DNAH11: variants seen among roughly 807,000 people sequenced by gnomAD.
The protein encoded by DNAH11 is axonemal beta dynein heavy chain 11.
In DNAH11, 442 loss-of-function variants were observed where a neutral mutation model predicts 526.0. The observed-to-expected ratio is 0.84, with a 90% CI of 0.78 to 0.91. The LOEUF (loss-of-function observed/expected upper bound fraction) is 0.91, where lower values mean the gene tolerates loss of function less well. Among genes scored for constraint, DNAH11 ranks in the 40% least tolerant of loss-of-function variants. The probability of loss-of-function intolerance (pLI) is 0.00; values close to 1 mark genes in which losing one functional copy is unlikely to be tolerated. For missense variants in DNAH11, 6,989 were observed against 5,448.7 expected, an observed-to-expected ratio of 1.28 and a Z score of -8.90; for synonymous variants, 2,461 against 1,935.9, an observed-to-expected ratio of 1.27 and a Z score of -7.12.
In DNAH11 at chr7:21,717,891, C is replaced by T; in HGVS notation, c.7100C>T (p.Thr2367Ile). The change falls in exon 43 of 82, where the codon ACC (threonine) becomes ATC (isoleucine). Residue 2367 changes from threonine to isoleucine, a missense_variant. Coordinates refer to ENST00000409508, the MANE Select transcript of DNAH11 (RefSeq NM_001277115.2). Reference protein sequence around the residue: ...CLDKLRTSFKTITSIPESSLV... With the variant: ...CLDKLRTSFKIITSIPESSLV... Reference sequence around the variant, plus strand: ...GATAAACTGAGAACAAGCTTTAAAACCATCACTTCAATTCCTGAGAGTAGC... The same window carrying T: ...GATAAACTGAGAACAAGCTTTAAAATCATCACTTCAATTCCTGAGAGTAGC... 6.2e-7 allele frequency: 1 copy of T among 1,613,696 alleles called. No homozygotes were observed. Among genetic ancestry groups the T allele is most frequent in the Non-Finnish European group, 8.5e-7 (1 of 1,179,724 alleles).
At chr7:21,687,623 C>A in intron 34 of DNAH11, 96 bp downstream of exon 34, 1 of 1,381,896 alleles carries the variant, frequency 7.2e-7, no homozygotes, top group Non-Finnish European at 9.8e-7. Context: ...CTCTCCCTGT[C>A]TCATGAAATA....
intron 58 of DNAH11, among the ~76,000 whole-genome samples, 173 bp from the exon 59 acceptor site, chr7:21,786,451 G>A (rs1788196469): frequency 6.6e-6 from 1 of 152,126 alleles, no homozygotes; most frequent in African/African-American, 2.4e-5. Flanking sequence ...AGCAAGAACT[G>A]AACCTCCTGG....
chr7:21,547,090 A>C (rs1782830352), intron 2 of DNAH11, among the ~76,000 whole-genome samples: 1 of 152,244 alleles, frequency 6.6e-6, no homozygotes, highest in Admixed American at 6.5e-5. Flanking sequence ...AAATAAGACA[A>C]AACCTCAAAT....
intron 61 of DNAH11, among the ~76,000 whole-genome samples, chr7:21,789,868 TTTTC>T (rs368386245): frequency 2.5e-3 from 256 of 100,624 alleles, no homozygotes; most frequent in South Asian, 7.5e-3. Flanking sequence ...CCTTCCTTCC[TTTTC>T]TTTCTTTCTT....
At chr7:21,577,221 AC>A (rs1784130784) in intron 8 of DNAH11, among the ~76,000 whole-genome samples, 1 of 152,232 alleles carries the variant, frequency 6.6e-6, no homozygotes, top group Non-Finnish European at 1.5e-5. Context: ...AGAGCTTAAC[AC>A]AAAAGAAGAT....
chr7:21,555,423 T>C (rs3924044), intron 2 of DNAH11, among the ~76,000 whole-genome samples: 9,514 of 152,262 alleles, frequency 0.062, 798 homozygotes, highest in East Asian at 0.32. Context: ...AATTTCTGTC[T>C]CCCATTTTTG....
chr7:21,853,664 G>T (rs1190630552), intron 67 of DNAH11, among the ~76,000 whole-genome samples: 1 of 152,194 alleles, frequency 6.6e-6, no homozygotes, highest in African/African-American at 2.4e-5. Flanking sequence ...CTAGATAAAA[G>T]AAATAGATAT....
chr7:21,840,882 T>G (rs926477950), intron 65 of DNAH11, among the ~76,000 whole-genome samples: 2 of 152,148 alleles, frequency 1.3e-5, no homozygotes, highest in Non-Finnish European at 2.9e-5. Flanking sequence ...GAAAGTAATT[T>G]TTTAAATATA....
intron 66 of DNAH11, among the ~76,000 whole-genome samples, chr7:21,850,608 CTTTTTTTTT>C (rs3062635): frequency 1.3e-4 from 8 of 62,690 alleles, no homozygotes; most frequent in East Asian, 1.0e-3. Context: ...CTGTCTTCTT[CTTTTTTTTT>C]TTTTTTTTTT....
chr7:21,888,188 T>C (rs1784200281), intron 76 of DNAH11, among the ~76,000 whole-genome samples: 1 of 152,174 alleles, frequency 6.6e-6, no homozygotes, highest in Non-Finnish European at 1.5e-5. Flanking sequence ...CAAGACACCA[T>C]GATAATTCAA....
At chr7:21,691,577 A>C (rs561422192) in intron 35 of DNAH11, among the ~76,000 whole-genome samples, 1 of 152,206 alleles carries the variant, frequency 6.6e-6, no homozygotes, top group Non-Finnish European at 1.5e-5. Flanking sequence ...AAGAATAAAG[A>C]AAAAGTTACA....
intron 35 of DNAH11, among the ~76,000 whole-genome samples, chr7:21,691,875 C>G (rs1356625079): frequency 1.3e-5 from 2 of 152,056 alleles, no homozygotes; most frequent in African/African-American, 2.4e-5. Flanking sequence ...AGGCTGTAAA[C>G]TTCTATTCAC....
Position 21,707,482 on chromosome 7 carries a change from A to C in DNAH11, c.6547-217A>C, listed in dbSNP as rs79422645. On this transcript the variant is annotated intron_variant, in intron 39 of 81. Transcript: ENST00000409508. ...TTTAGTCTAAATGGTTCAAAGAGTC[A>C]AGTGAACTGATTCTGTCTTGCTGAG... 0.018 allele frequency among the ~76,000 whole-genome samples: 2,707 copies of C among 152,370 alleles called. 86 individuals carry two copies. Among genetic ancestry groups the C allele is most frequent in the African/African-American group, 0.062 (2,590 of 41,586 alleles).
chr7:21,664,776 T>C (rs538204385), intron 30 of DNAH11, among the ~76,000 whole-genome samples: 29 of 152,246 alleles, frequency 1.9e-4, no homozygotes, highest in African/African-American at 6.5e-4. Context: ...AGATTAATTT[T>C]GCAATTACTC....
intron 28 of DNAH11, among the ~76,000 whole-genome samples, chr7:21,646,227 T>C (rs1787351947): frequency 6.6e-6 from 1 of 152,142 alleles, no homozygotes; most frequent in Admixed American, 6.5e-5. Flanking sequence ...CACAACAAGA[T>C]GAGATAACAG....
chr7:21,590,825 G>A, intron 12 of DNAH11, 93 bp from the exon 13 acceptor site: 2 of 776,792 alleles, frequency 2.6e-6, no homozygotes, highest in Non-Finnish European at 3.7e-6. Context: ...AGTAATACTT[G>A]GATAACATCT....
chr7:21,711,574 C>T (rs879895239), intron 41 of DNAH11, 138 bp from the exon 42 acceptor site: 14 of 1,245,640 alleles, frequency 1.1e-5, no homozygotes, highest in Non-Finnish European at 1.5e-5. Context: ...GAGCTTAGAT[C>T]TTTATTCAGA....
In DNAH11 at chr7:21,864,588, A is replaced by T; in HGVS notation, c.11427A>T (p.Arg3809=). Residue 3809 remains arginine (R), a synonymous_variant, in exon 70 of 82, where the codon CGA becomes CGT. Transcript: ENST00000409508. ...IDPLELDFLL[R]FTVEHTHLSP... is the part of the protein sequence containing the mutation. Reference sequence around the variant, plus strand: ...CTCTTGAATTGGATTTCCTGCTTCGATTCACAGTTGAACACACTCATCTGA... The same window carrying T: ...CTCTTGAATTGGATTTCCTGCTTCGTTTCACAGTTGAACACACTCATCTGA... 6.2e-7 allele frequency: 1 copy of T among 1,612,076 alleles called. No individual in the cohort carries two copies. Among genetic ancestry groups the T allele is most frequent in the Non-Finnish European group, 8.5e-7 (1 of 1,178,976 alleles).
chr7:21,774,827 G>A (rs1168995158), intron 56 of DNAH11, among the ~76,000 whole-genome samples: 2 of 152,156 alleles, frequency 1.3e-5, no homozygotes, highest in Non-Finnish European at 2.9e-5. Context: ...TTCTGAGCCA[G>A]TCAGGACTTA....
Sources: allele counts gnomAD v4.1 joint callset (sites outside exome capture counted in the v4.1 genomes callset), GRCh38; gene constraint gnomAD v4.1.1; transcripts MANE v1.5; gene names NCBI Gene and HGNC (gene_info 2026-07-23, HGNC 2026-07-21).